The following SEC63 variants were observed in gnomAD, a reference collection of about 807,000 sequenced individuals.
SEC63 encodes the protein SEC63 protein translocation regulator, also known as translocation protein SEC63 homolog.
In SEC63, 56 loss-of-function variants were observed where a neutral mutation model predicts 116.2. That is an observed-to-expected ratio of 0.48 (90% CI 0.39 to 0.60). The LOEUF (loss-of-function observed/expected upper bound fraction) is 0.60, where lower values mean the gene tolerates loss of function less well. Among genes scored for constraint, SEC63 ranks in the 20% least tolerant of loss-of-function variants. SEC63 has a pLI of 0.00. For missense variants in SEC63, 668 were observed against 900.0 expected (o/e 0.74, Z 3.30); for synonymous variants, 273 against 294.6 (o/e 0.93, Z 0.75).
At position 107,893,417 on chromosome 6, in the gene SEC63, G is replaced by A. The variant is rs963876006; in HGVS notation, c.1674+65C>T. Reference sequence around the variant, plus strand: ...AAAACTTTTGAAGCTGTACACGTAAGACTTGAACATTTTAGTTTGTATATT... The same window carrying A: ...AAAACTTTTGAAGCTGTACACGTAAAACTTGAACATTTTAGTTTGTATATT... On this transcript the variant is annotated intron_variant, in intron 16 of 20. Coordinates refer to ENST00000369002, the MANE Select transcript of SEC63 (RefSeq NM_007214.5). 18 of 1,493,242 alleles carry A rather than the reference G, an allele frequency of 1.2e-5. 1 individual carries two copies. The African/African-American group carries it at 2.2e-4, about 18-fold the overall frequency. The allele number at this position is 1,493,242 out of a possible 1,614,324, so 92.5% of individuals were successfully genotyped here. A position where few individuals can be genotyped will look rare whatever the true frequency, so the allele number is the denominator to read the frequency against.
chr6:107,912,632 T>C, intron 6 of SEC63, 84 bp downstream of exon 6: 1 of 797,070 alleles, frequency 1.3e-6, no homozygotes, highest in Non-Finnish European at 2.2e-6. Flanking sequence ...TTTGTAATAG[T>C]TCTTCTTGTA....
At position 107,958,115 on chromosome 6, in the gene SEC63, G is replaced by A. The variant is rs1412828060; in HGVS notation, c.-106C>T. ...CGAGTGGCGTAGCTTGGACACTGCC[G>A]CCGCCGCCTCTCCTCCCCGCCCCCA... On this transcript the variant is annotated 5_prime_UTR_variant, in exon 1 of 21. Coordinates refer to ENST00000369002, the MANE Select transcript of SEC63 (RefSeq NM_007214.5). 5.9e-6 allele frequency: 9 copies of A among 1,537,218 alleles called. No homozygotes were observed. Among genetic ancestry groups the A allele is most frequent in the Admixed American group, 1.7e-5 (1 of 58,372 alleles).
At chr6:107,929,868 T>C (rs1787759428) in intron 1 of SEC63, among the ~76,000 whole-genome samples, 1 of 152,190 alleles carries the variant, frequency 6.6e-6, no homozygotes, top group Non-Finnish European at 1.5e-5. Context: ...ACAAGAAGTA[T>C]AAAATAGTTA....
intron 16 of SEC63, among the ~76,000 whole-genome samples, chr6:107,888,171 A>G (rs1469251608): frequency 1.3e-5 from 2 of 152,112 alleles, no homozygotes; most frequent in East Asian, 3.9e-4. Flanking sequence ...TGAATCTATA[A>G]ATTACTTTGG....
chr6:107,916,457 A>C (rs1427024992), intron 4 of SEC63, among the ~76,000 whole-genome samples: 2 of 152,264 alleles, frequency 1.3e-5, no homozygotes, highest in Non-Finnish European at 2.9e-5. Context: ...AAGTACAAAA[A>C]TAAGTAAGGT....
At chr6:107,953,762 G>A (rs1350082647) in intron 1 of SEC63, among the ~76,000 whole-genome samples, 2 of 143,072 alleles carry the variant, frequency 1.4e-5, no homozygotes, top group South Asian at 2.2e-4. Flanking sequence ...TCAGCCCCCC[G>A]CCCGGCCAGC....
Position 107,872,891 on chromosome 6 carries a change from G to C in SEC63, c.2056C>G (p.Pro686Ala), listed in dbSNP as rs1324787721. 3.9e-6 allele frequency: 6 copies of C among 1,550,002 alleles called. No homozygotes were observed. In the Admixed American group the frequency reaches 1.2e-4, roughly 30 times the overall value. Residue 686 changes from proline to alanine, a missense_variant, in exon 20 of 21, where the codon CCA becomes GCA. This residue lies in a region of SEC63 where 85 missense variants were observed against 116.3 expected (regional missense o/e 0.73). Transcript: ENST00000369002. ...TEEVELKFPAPGKPGNYQYTV... is the reference protein window; with the variant it reads ...TEEVELKFPAAGKPGNYQYTV... The stretch of plus-strand genomic sequence containing the variant: ...TACTGATAATTTCCAGGCTTGCCTG[G>C]TGCAGGAAACTTCAGCTCTACCTAG...
intron 1 of SEC63, among the ~76,000 whole-genome samples, chr6:107,955,383 G>C (rs931724902): frequency 6.6e-6 from 1 of 152,086 alleles, no homozygotes; most frequent in African/African-American, 2.4e-5. Flanking sequence ...GGCTGGTCTT[G>C]AACTCCTGAC....
intron 13 of SEC63, 67 bp downstream of exon 13, chr6:107,901,303 A>G (rs1786997416): frequency 6.9e-7 from 1 of 1,454,952 alleles, no homozygotes; most frequent in Admixed American, 1.7e-5. Flanking sequence ...GAGAATCCTG[A>G]GTCAAATAAA....
At chr6:107,942,198 C>T (rs1770391432) in intron 1 of SEC63, among the ~76,000 whole-genome samples, 3 of 152,148 alleles carry the variant, frequency 2.0e-5, no homozygotes, top group Non-Finnish European at 4.4e-5. Flanking sequence ...AACACAGCCC[C>T]AGAAGTATAA....
chr6:107,871,957 T>G, intron 20 of SEC63, 110 bp from the exon 21 acceptor site: 1 of 1,037,536 alleles, frequency 9.6e-7, no homozygotes, highest in Non-Finnish European at 1.5e-6. Context: ...AGAAATAGTT[T>G]TTTATGGACA....
intron 11 of SEC63, among the ~76,000 whole-genome samples, chr6:107,904,193 C>T (rs1393511242): frequency 6.7e-6 from 1 of 150,110 alleles, no homozygotes. Context: ...AGGTGGATCA[C>T]GAGGTCAGGA....
intron 2 of SEC63, among the ~76,000 whole-genome samples, chr6:107,925,545 C>T (rs1787655964): frequency 6.6e-6 from 1 of 152,178 alleles, no homozygotes; most frequent in Non-Finnish European, 1.5e-5. Flanking sequence ...TATAAAAGAA[C>T]ATATCATTTG....
chr6:107,871,983 CTCAT>C, intron 20 of SEC63, 136 bp from the exon 21 acceptor site: 3 of 832,176 alleles, frequency 3.6e-6, no homozygotes, highest in Non-Finnish European at 5.8e-6. Context: ...CTAAATTCAA[CTCAT>C]TCATTTAGAA....
intron 19 of SEC63, among the ~76,000 whole-genome samples, chr6:107,876,194 T>A (rs984475110): frequency 7.2e-5 from 11 of 152,166 alleles, no homozygotes; most frequent in African/African-American, 2.7e-4. Flanking sequence ...GAAATCCACA[T>A]CATCAGTTCT....
At chr6:107,879,420 G>A (rs1256691065) in intron 18 of SEC63, among the ~76,000 whole-genome samples, 1 of 151,976 alleles carries the variant, frequency 6.6e-6, no homozygotes, top group Non-Finnish European at 1.5e-5. Flanking sequence ...TCCGCCTCCT[G>A]GGTTCAAGCA....
At chr6:107,900,036 A>C (rs1439098564) in intron 13 of SEC63, among the ~76,000 whole-genome samples, 2 of 152,196 alleles carry the variant, frequency 1.3e-5, no homozygotes, top group African/African-American at 4.8e-5. Context: ...AGCAGAGGGT[A>C]TGTCTTACCA....
intron 1 of SEC63, among the ~76,000 whole-genome samples, chr6:107,950,306 AACAG>A (rs1770552663): frequency 6.6e-6 from 1 of 152,200 alleles, no homozygotes; most frequent in Non-Finnish European, 1.5e-5. Flanking sequence ...TGAAGAGAGA[AACAG>A]ACAGTGCTAC....
chr6:107,945,922 T>C (rs1292215550), intron 1 of SEC63, among the ~76,000 whole-genome samples: 1 of 151,826 alleles, frequency 6.6e-6, no homozygotes, highest in Non-Finnish European at 1.5e-5. Context: ...TTCCTGTATT[T>C]TGTTTGTTTG....
Sources: gnomAD v4.1 joint callset for allele counts (sites outside exome capture counted in the v4.1 genomes callset) on GRCh38, gnomAD v4.1.1 for gene constraint, gnomAD v4.1.1 regional missense constraint, MANE v1.5 for transcripts, NCBI Gene and HGNC (gene_info 2026-07-23, HGNC 2026-07-21) for gene names.